AFF1: variants seen among roughly 807,000 people sequenced by gnomAD.
The protein encoded by AFF1 is AF4/FMR2 family member 1.
Under a neutral mutation model 121.7 loss-of-function variants are expected in AFF1, and 48 were observed. That is an observed-to-expected ratio of 0.39 (90% CI 0.31 to 0.50). The LOEUF is 0.50. AFF1 is among the 20% of genes least tolerant of loss of function. The pLI, the probability that AFF1 is intolerant of heterozygous loss-of-function variation, is 0.76. For synonymous variants in AFF1, 613 were observed against 563.0 expected (o/e 1.09, Z -1.26); for missense variants, 1,523 against 1,511.7 (o/e 1.01, Z -0.12).
Position 87,137,766 on chromosome 4 carries a change from T to C in AFF1, c.*2065T>C. ...ACCAGAATCAGGCTTTATTTCGATA[T>C]TGAAGATGTTATTTAACATCTTTCT... On this transcript the variant is annotated 3_prime_UTR_variant, in exon 21 of 21. Transcript: ENST00000395146. 1 of 232,458 alleles carries C rather than the reference T, an allele frequency of 4.3e-6. No individual in the cohort carries two copies. Among genetic ancestry groups the C allele is most frequent in the African/African-American group, 2.2e-5 (1 of 45,440 alleles). 14.4% of individuals were successfully genotyped at this position (232,458 alleles called of 1,614,324 possible).
chr4:87,060,514 A>G (rs918867589), intron 4 of AFF1, among the ~76,000 whole-genome samples: 2 of 152,160 alleles, frequency 1.3e-5, no homozygotes, highest in African/African-American at 4.8e-5. Flanking sequence ...TCTAGACCAC[A>G]ACGGTATCAT....
At chr4:87,100,642 T>C (rs572187867) in intron 8 of AFF1, among the ~76,000 whole-genome samples, 153 of 152,284 alleles carry the variant, frequency 1.0e-3, no homozygotes, top group African/African-American at 3.6e-3. Context: ...CGGCTCAGAG[T>C]TGTAGCCATA....
intron 2 of AFF1, among the ~76,000 whole-genome samples, chr4:86,965,342 G>T (rs894362335): frequency 1.3e-5 from 2 of 152,168 alleles, no homozygotes; most frequent in Non-Finnish European, 2.9e-5. Flanking sequence ...TCACTTTTCG[G>T]CTAATTTGTC....
At position 86,968,460 on chromosome 4, in the gene AFF1, C is replaced by T. The variant is rs1369074376; in HGVS notation, c.38+19889C>T. On this transcript the variant is annotated intron_variant, in intron 2 of 20. Coordinates refer to ENST00000395146, the MANE Select transcript of AFF1 (RefSeq NM_001166693.3). ...AATAACATTGACGTTCCTTCATAGA[C>T]GTTCGTACAGTTTTCAGTATTCACA... Among the ~76,000 whole-genome samples the T allele has an allele frequency of 5.3e-5, 8 of 152,064 alleles. No homozygotes were observed. In the South Asian group the frequency reaches 6.2e-4, roughly 12 times the overall value.
chr4:87,055,547 A>G (rs1163437937), intron 4 of AFF1, among the ~76,000 whole-genome samples: 1 of 152,196 alleles, frequency 6.6e-6, no homozygotes, highest in Non-Finnish European at 1.5e-5. Flanking sequence ...TTGCCAAGAT[A>G]TAGACATTCA....
Position 86,943,564 on chromosome 4 carries a change from C to T in AFF1, c.-36-4934C>T, listed in dbSNP as rs545059199. On this transcript the variant is annotated intron_variant, in intron 1 of 20. Transcript: ENST00000395146. ...CTGGGGAGCTGCTTGCTCTGTTTGT[C>T]CAGTTGAAAAGTTCCCAGGCTGGGC... 6.6e-5 allele frequency among the ~76,000 whole-genome samples: 10 copies of T among 152,302 alleles called. No individual in the cohort carries two copies. The South Asian group carries it at 2.1e-3, about 32-fold the overall frequency.
chr4:87,053,003 C>G (rs757773677), intron 4 of AFF1, among the ~76,000 whole-genome samples: 1 of 151,960 alleles, frequency 6.6e-6, no homozygotes, highest in Admixed American at 6.5e-5. Context: ...ATCATGTGTT[C>G]GGTTTGAGAT....
intron 19 of AFF1, among the ~76,000 whole-genome samples, chr4:87,133,717 C>T (rs1416865147): frequency 1.3e-5 from 2 of 152,304 alleles, no homozygotes; most frequent in South Asian, 2.1e-4. Flanking sequence ...GCAGCCCAAA[C>T]GGCAGGTGTA....
At chr4:87,089,896 C>G (rs1381152202) in intron 5 of AFF1, 88 bp from the exon 6 acceptor site, 9 of 902,384 alleles carry the variant, frequency 1.0e-5, no homozygotes, top group Non-Finnish European at 1.6e-5. Flanking sequence ...TATGATCAAT[C>G]CATTCTACAT....
intron 2 of AFF1, among the ~76,000 whole-genome samples, chr4:87,032,213 G>T (rs1729148871): frequency 6.6e-6 from 1 of 152,172 alleles, no homozygotes; most frequent in South Asian, 2.1e-4. Context: ...ATGAAAATGA[G>T]AATATTTAGA....
At chr4:86,950,254 C>G in intron 2 of AFF1, 1 of 784,066 alleles carries the variant, frequency 1.3e-6, no homozygotes, top group South Asian at 1.5e-5. Flanking sequence ...TCTTGGCTCA[C>G]TGCAACCTCT....
intron 4 of AFF1, among the ~76,000 whole-genome samples, chr4:87,064,896 G>A (rs1318365577): frequency 3.6e-5 from 5 of 139,480 alleles, no homozygotes; most frequent in East Asian, 2.1e-4. Flanking sequence ...AAAAAAAGCC[G>A]GGTGTTGTGG....
At chr4:87,025,545 T>TCAC (rs1728441828) in intron 2 of AFF1, among the ~76,000 whole-genome samples, 1 of 152,188 alleles carries the variant, frequency 6.6e-6, no homozygotes, top group African/African-American at 2.4e-5. Flanking sequence ...TTGGGAATAT[T>TCAC]TCTCATTCTC....
At chr4:87,037,525 CT>C (rs1296765913) in intron 2 of AFF1, among the ~76,000 whole-genome samples, 1 of 152,096 alleles carries the variant, frequency 6.6e-6, no homozygotes, top group African/African-American at 2.4e-5. Flanking sequence ...GTTCGCCAGG[CT>C]AGTCTTGAAC....
intron 20 of AFF1, 59 bp downstream of exon 20, chr4:87,134,753 A>G (rs1729160117): frequency 2.2e-6 from 3 of 1,352,338 alleles, no homozygotes; most frequent in Middle Eastern, 1.9e-4. Context: ...AGGAATAAAC[A>G]TTGGTTTATA....
At chr4:87,135,055 T>C (rs574207305) in intron 20 of AFF1, among the ~76,000 whole-genome samples, 1 of 152,372 alleles carries the variant, frequency 6.6e-6, no homozygotes, top group Non-Finnish European at 1.5e-5. Flanking sequence ...ACATTGGAGA[T>C]ACAAAGTAGC....
At chr4:87,015,756 G>A (rs1727229122) in intron 2 of AFF1, among the ~76,000 whole-genome samples, 1 of 152,200 alleles carries the variant, frequency 6.6e-6, no homozygotes. Context: ...GTTTAAATTT[G>A]TAGGCTTTAT....
At chr4:86,947,300 A>C (rs1348745205) in intron 1 of AFF1, among the ~76,000 whole-genome samples, 1 of 152,226 alleles carries the variant, frequency 6.6e-6, no homozygotes, top group Non-Finnish European at 1.5e-5. Flanking sequence ...GAGAGGAGAA[A>C]GAGTGGCAAA....
intron 2 of AFF1, among the ~76,000 whole-genome samples, chr4:86,979,408 C>T (rs1300783289): frequency 3.9e-5 from 6 of 152,116 alleles, no homozygotes; most frequent in Admixed American, 3.9e-4. Flanking sequence ...GCCCCTGCTT[C>T]TCTTAACACA....
Sources: gnomAD v4.1 joint callset for allele counts (sites outside exome capture counted in the v4.1 genomes callset) on GRCh38, gnomAD v4.1.1 for gene constraint, MANE v1.5 for transcripts, NCBI Gene and HGNC (gene_info 2026-07-23, HGNC 2026-07-21) for gene names.